The following IL1RAPL2 variants were observed in gnomAD, a reference collection of about 807,000 sequenced individuals.
IL1RAPL2 encodes the protein X-linked interleukin-1 receptor accessory protein-like 2.
Under a neutral mutation model 44.1 loss-of-function variants are expected in IL1RAPL2, and 3 were observed. That is an observed-to-expected ratio of 0.07 (90% confidence interval 0.03 to 0.18). IL1RAPL2 has a LOEUF of 0.18. IL1RAPL2 is among the 10% of genes least tolerant of loss of function. IL1RAPL2 has a pLI of 1.00. For missense variants in IL1RAPL2, 391 were observed against 496.4 expected (o/e 0.79, Z 2.02); for synonymous variants, 181 against 178.8 (o/e 1.01, Z -0.10).
chrX:105,189,010 C>G (rs187720223), intron 2 of IL1RAPL2, among the ~76,000 whole-genome samples: 1 of 111,819 alleles, frequency 8.9e-6, no homozygotes, highest in African/African-American at 3.2e-5. Context: ...CCATTTGAGG[C>G]AGACGGAGTC....
intron 2 of IL1RAPL2, among the ~76,000 whole-genome samples, chrX:104,841,847 G>A (rs780262616): frequency 2.7e-5 from 3 of 109,825 alleles, no homozygotes; most frequent in African/African-American, 9.9e-5. Context: ...CAAACTTGGA[G>A]AATCTAATGA....
At chrX:105,669,231 C>CA (rs2037796298) in intron 6 of IL1RAPL2, among the ~76,000 whole-genome samples, 1 of 111,322 alleles carries the variant, frequency 9.0e-6, no homozygotes, top group Admixed American at 9.5e-5. Context: ...TAACCTTGTA[C>CA]AAAAAAGCAA....
At chrX:104,739,621 G>T (rs1369416073) in intron 2 of IL1RAPL2, among the ~76,000 whole-genome samples, 1 of 111,815 alleles carries the variant, frequency 8.9e-6, no homozygotes, top group Non-Finnish European at 1.9e-5. Flanking sequence ...AACTGTTATG[G>T]AGAGAACAGG....
chrX:105,172,454 C>T (rs1272485499), intron 2 of IL1RAPL2, among the ~76,000 whole-genome samples: 1 of 111,659 alleles, frequency 9.0e-6, no homozygotes, highest in Non-Finnish European at 1.9e-5. Flanking sequence ...GGGGAAGACT[C>T]CACTACCAAG....
chrX:104,825,175 C>T (rs1272443161), intron 2 of IL1RAPL2, among the ~76,000 whole-genome samples: 1 of 111,231 alleles, frequency 9.0e-6, no homozygotes, highest in East Asian at 2.8e-4. Context: ...ATGATCTGAC[C>T]TGACACAGCA....
chrX:105,668,642 G>A (rs1216267174), intron 6 of IL1RAPL2, among the ~76,000 whole-genome samples: 1 of 112,083 alleles, frequency 8.9e-6, no homozygotes, highest in Non-Finnish European at 1.9e-5. Flanking sequence ...GGTCCTAAAG[G>A]CTTATATTGG....
intron 5 of IL1RAPL2, among the ~76,000 whole-genome samples, chrX:105,440,802 G>T (rs1278295431): frequency 8.9e-6 from 1 of 111,763 alleles, no homozygotes; most frequent in Admixed American, 9.5e-5. Flanking sequence ...CAAGGGTGGG[G>T]CCAGGTGGAG....
At chrX:105,218,275 G>A (rs1156663207) in intron 3 of IL1RAPL2, among the ~76,000 whole-genome samples, 2 of 111,039 alleles carry the variant, frequency 1.8e-5, no homozygotes, top group Non-Finnish European at 3.8e-5. Context: ...CTGGAACCAC[G>A]TACTAGTGAC....
intron 5 of IL1RAPL2, among the ~76,000 whole-genome samples, chrX:105,479,540 G>A: frequency 9.1e-6 from 1 of 109,445 alleles, no homozygotes; most frequent in Non-Finnish European, 1.9e-5. Flanking sequence ...GGGAGTTCGA[G>A]ACCAGCCTGA....
At chrX:105,158,407 T>A (rs186827548) in intron 2 of IL1RAPL2, among the ~76,000 whole-genome samples, 81 of 111,860 alleles carry the variant, frequency 7.2e-4, no homozygotes, top group Admixed American at 1.0e-3. Context: ...TGCATCTCAG[T>A]CTTCACATGT....
chrX:105,584,310 T>A (rs2037111158), intron 6 of IL1RAPL2, among the ~76,000 whole-genome samples: 1 of 111,758 alleles, frequency 8.9e-6, no homozygotes, highest in African/African-American at 3.2e-5. Context: ...GTTAGACTTG[T>A]TATGTTCCCT....
chrX:104,672,948 GT>G (rs1163935612), intron 2 of IL1RAPL2, among the ~76,000 whole-genome samples: 1 of 111,402 alleles, frequency 9.0e-6, no homozygotes, highest in Non-Finnish European at 1.9e-5. Flanking sequence ...AGGATTGTTT[GT>G]TTTTTTCTTG....
chrX:104,638,919 T>C (rs761724641), intron 1 of IL1RAPL2, among the ~76,000 whole-genome samples: 3 of 112,189 alleles, frequency 2.7e-5, no homozygotes, highest in Non-Finnish European at 5.6e-5. Context: ...CTCTGGTTTT[T>C]CTGTTTAGCT....
At chrX:105,700,396 A>G (rs768994576) in intron 6 of IL1RAPL2, among the ~76,000 whole-genome samples, 37 of 112,174 alleles carry the variant, frequency 3.3e-4, no homozygotes, top group African/African-American at 1.0e-3. Flanking sequence ...ATTTTCTTCA[A>G]AGATGTACAT....
intron 2 of IL1RAPL2, among the ~76,000 whole-genome samples, chrX:104,855,328 C>A (rs745720546): frequency 7.2e-5 from 8 of 111,281 alleles, no homozygotes; most frequent in Admixed American, 1.9e-4. Flanking sequence ...TTGGCTACTA[C>A]TAATTCAAAT....
At chrX:105,728,684 T>A (rs1474971801) in intron 7 of IL1RAPL2, among the ~76,000 whole-genome samples, 1 of 111,330 alleles carries the variant, frequency 9.0e-6, no homozygotes, top group Admixed American at 9.5e-5. Flanking sequence ...TGACTTAGTG[T>A]GGCACATTTA....
At chrX:105,540,818 AC>A (rs1569452070) in intron 6 of IL1RAPL2, among the ~76,000 whole-genome samples, 118 of 44,450 alleles carry the variant, frequency 2.7e-3, no homozygotes, top group African/African-American at 0.015. Context: ...TATAATATAT[AC>A]ATATATTATA....
At chrX:105,422,736 A>G (rs941407727) in intron 5 of IL1RAPL2, among the ~76,000 whole-genome samples, 4 of 111,639 alleles carry the variant, frequency 3.6e-5, no homozygotes, top group African/African-American at 6.5e-5. Context: ...TCCGTCTTCT[A>G]CTAGTTCAGT....
At chrX:105,083,599 A>C (rs1184786379) in intron 2 of IL1RAPL2, among the ~76,000 whole-genome samples, 1 of 112,032 alleles carries the variant, frequency 8.9e-6, no homozygotes, top group South Asian at 3.8e-4. Flanking sequence ...AGGTAAGTCC[A>C]TCAAATTAAC....
Sources: allele counts gnomAD v4.1 joint callset (sites outside exome capture counted in the v4.1 genomes callset), GRCh38; gene constraint gnomAD v4.1.1; transcripts MANE v1.5; gene names NCBI Gene and HGNC (gene_info 2026-07-23, HGNC 2026-07-21).